Variants in KIF15 observed in about 807,000 individuals in gnomAD.
KIF15 encodes kinesin family member 15.
Under a neutral mutation model 190.6 loss-of-function variants are expected in KIF15, and 140 were observed. That is an observed-to-expected ratio of 0.73 (90% CI 0.64 to 0.84). The LOEUF (loss-of-function observed/expected upper bound fraction) is 0.84. Among genes scored for constraint, KIF15 ranks in the 40% least tolerant of loss-of-function variants. The pLI, the probability that KIF15 is intolerant of heterozygous loss-of-function variation, is 0.00. For synonymous variants in KIF15, 528 were observed against 551.3 expected, an observed-to-expected ratio of 0.96 and a Z score of 0.59; for missense variants, 1,372 against 1,584.4, an observed-to-expected ratio of 0.87 and a Z score of 2.28.
At chr3:44,827,070 C>CAATA in intron 22 of KIF15, 1 of 456,440 alleles carries the variant, frequency 2.2e-6, no homozygotes, top group Non-Finnish European at 4.4e-6. Flanking sequence ...CTCATTTATT[C>CAATA]AAACATTTAT....
At chr3:44,802,339 G>A (rs1490977505) in intron 13 of KIF15, among the ~76,000 whole-genome samples, 5 of 152,090 alleles carry the variant, frequency 3.3e-5, no homozygotes, top group African/African-American at 4.8e-5. Flanking sequence ...GTACATTGTG[G>A]GAAAACCCAA....
chr3:44,811,175 G>A (rs1056187903), intron 17 of KIF15, 132 bp downstream of exon 17: 5 of 647,650 alleles, frequency 7.7e-6, no homozygotes, highest in Non-Finnish European at 1.2e-5. Flanking sequence ...TTAAGTGTGG[G>A]TTTATAATCA....
intron 16 of KIF15, among the ~76,000 whole-genome samples, chr3:44,809,122 C>T (rs1296089981): frequency 1.3e-5 from 2 of 152,184 alleles, no homozygotes; most frequent in Non-Finnish European, 2.9e-5. Context: ...GCACTGTCCG[C>T]AGGAACTGGG....
Position 44,827,452 on chromosome 3 carries a change from C to T in KIF15, c.2787-7C>T, listed in dbSNP as rs1022241210. 2 of 1,600,146 alleles carry T rather than the reference C, an allele frequency of 1.2e-6. No individual in the cohort carries two copies. Among genetic ancestry groups the T allele is most frequent in the Non-Finnish European group, 1.7e-6 (2 of 1,168,034 alleles). ...GTCAGGGGTAAAAGATAATTATTCT[C>T]TTCCAGAGAAATCTTAAAAGTTCTT... On this transcript the variant is annotated splice_region_variant and splice_polypyrimidine_tract_variant and intron_variant, in intron 22 of 34. Coordinates refer to ENST00000326047, the MANE Select transcript of KIF15 (RefSeq NM_020242.3).
At chr3:44,770,644 G>A (rs1028849989) in intron 1 of KIF15, among the ~76,000 whole-genome samples, 1 of 152,168 alleles carries the variant, frequency 6.6e-6, no homozygotes, top group Admixed American at 6.5e-5. Flanking sequence ...AAAACAACTA[G>A]TGTCTTCAGT....
chr3:44,761,845 G>A lies in KIF15; in HGVS notation c.-21G>A, dbSNP rs766366084. On this transcript the variant is annotated 5_prime_UTR_variant, in exon 1 of 35. Transcript: ENST00000326047. ...GGAGGCACCGGCTGCATTGTTTTCG[G>A]GATCGAGGGGTGAGGGCGCTATGGC... 1.2e-6 allele frequency: 2 copies of A among 1,614,082 alleles called. No individual in the cohort carries two copies. Among genetic ancestry groups the A allele is most frequent in the African/African-American group, 1.3e-5 (1 of 74,932 alleles).
At chr3:44,858,758 G>A (rs955498694) in intron 6 of KIF15, among the ~76,000 whole-genome samples, 3 of 152,200 alleles carry the variant, frequency 2.0e-5, no homozygotes, top group South Asian at 2.1e-4. Flanking sequence ...AAGCCTAGCC[G>A]TCAATACCCA....
intron 6 of KIF15, chr3:44,865,279 C>G: frequency 4.0e-6 from 6 of 1,512,822 alleles, no homozygotes; most frequent in Non-Finnish European, 4.5e-6. Context: ...AGTTGTGCAG[C>G]CTTCTGACCA....
intron 1 of KIF15, among the ~76,000 whole-genome samples, chr3:44,763,353 G>A (rs1361468549): frequency 2.6e-5 from 4 of 152,208 alleles, no homozygotes; most frequent in African/African-American, 9.6e-5. Flanking sequence ...CCGGGCTGGA[G>A]TGCAGTGGTG....
At chr3:44,812,364 A>G (rs1000978965) in intron 18 of KIF15, 75 bp downstream of exon 18, 18 of 974,370 alleles carry the variant, frequency 1.8e-5, no homozygotes, top group Non-Finnish European at 2.4e-5. Flanking sequence ...ATCCTCAAGG[A>G]TCCTCAAACA....
Position 44,831,010 on chromosome 3 carries a change from G to A in KIF15, c.3163G>A (p.Asp1055Asn). The A allele has an allele frequency of 6.2e-7, 1 of 1,613,848 alleles. No individual in the cohort carries two copies. The highest frequency in any genetic ancestry group is 8.5e-7 in the Non-Finnish European group (1 of 1,179,938). ...CCTTAGGCTGAGAATACTTTCTGAG[G>A]ACATAGAGGTAGGTATTAACGCATC... ...ETLRLRILSEDIERDMLCEDL... is the reference protein window; with the variant it reads ...ETLRLRILSENIERDMLCEDL... Residue 1055 changes from aspartate to asparagine, a missense_variant, in exon 26 of 35, where the codon GAC becomes AAC. Physicochemically the swap from Asp to Asn is conservative, Grantham distance 23. Coordinates refer to ENST00000326047, the MANE Select transcript of KIF15 (RefSeq NM_020242.3).
At chr3:44,771,462 G>C (rs772943977) in intron 1 of KIF15, among the ~76,000 whole-genome samples, 10 of 152,116 alleles carry the variant, frequency 6.6e-5, no homozygotes, top group African/African-American at 2.4e-4. Flanking sequence ...AAACATGTCA[G>C]GTAATCCTGT....
chr3:44,788,324 C>T lies in KIF15; in HGVS notation c.639+1750C>T, dbSNP rs566472986. 2.4e-4 allele frequency among the ~76,000 whole-genome samples: 37 copies of T among 152,212 alleles called. 1 individual carries two copies. In the South Asian group the frequency reaches 7.5e-3, roughly 31 times the overall value. ...TTGTTGAGATAATCTTGTGCTTTTT[C>T]TTCTTTAACATGTTAACACGATAAA... On this transcript the variant is annotated intron_variant, in intron 7 of 34. Transcript: ENST00000326047.
intron 26 of KIF15, 113 bp downstream of exon 26, chr3:44,831,131 T>G: frequency 8.1e-7 from 1 of 1,230,794 alleles, no homozygotes; most frequent in Non-Finnish European, 1.1e-6. Flanking sequence ...AAATAATTCT[T>G]ATACAGCTGA....
At chr3:44,805,252 G>A in intron 15 of KIF15, 84 bp downstream of exon 15, 3 of 1,319,498 alleles carry the variant, frequency 2.3e-6, no homozygotes, top group South Asian at 2.8e-5. Flanking sequence ...ATTCAATTGG[G>A]CATTTTACTT....
chr3:44,763,365 G>A (rs1444566799), intron 1 of KIF15, among the ~76,000 whole-genome samples: 7 of 152,116 alleles, frequency 4.6e-5, no homozygotes, highest in Non-Finnish European at 8.8e-5. Flanking sequence ...GCAGTGGTGC[G>A]ATATTGGCTC....
At chr3:44,804,593 C>A (rs1312109254) in intron 14 of KIF15, among the ~76,000 whole-genome samples, 1 of 152,156 alleles carries the variant, frequency 6.6e-6, no homozygotes, top group Non-Finnish European at 1.5e-5. Flanking sequence ...AAAGGTGTTG[C>A]CTTAACTACA....
At chr3:44,865,352 G>GC (rs1278061548) in intron 6 of KIF15, 1 of 805,738 alleles carries the variant, frequency 1.2e-6, no homozygotes, top group African/African-American at 1.7e-5. Flanking sequence ...AGGTGCAGCT[G>GC]CAGCAGTGTT....
intron 19 of KIF15, among the ~76,000 whole-genome samples, chr3:44,814,650 C>G (rs1707946079): frequency 6.6e-6 from 1 of 152,112 alleles, no homozygotes; most frequent in Non-Finnish European, 1.5e-5. Context: ...CAGGAGAAAT[C>G]TAGCAAAGTC....
Sources: gnomAD v4.1 joint callset for allele counts (sites outside exome capture counted in the v4.1 genomes callset) on GRCh38, gnomAD v4.1.1 for gene constraint, MANE v1.5 for transcripts, NCBI Gene and HGNC (gene_info 2026-07-23, HGNC 2026-07-21) for gene names.